Variants in GSDME observed in about 807,000 individuals in gnomAD.
GSDME encodes the protein gasdermin E.
A neutral mutation model predicts 47.5 loss-of-function variants in GSDME; 44 were observed. The ratio of observed to expected loss-of-function variants is 0.93; its 90% CI spans 0.73 to 1.19. The LOEUF is 1.19. Among genes scored for constraint, GSDME ranks in the 50% most tolerant of loss-of-function variants. GSDME has a pLI of 0.00. For synonymous variants in GSDME, 258 were observed against 252.8 expected, an observed-to-expected ratio of 1.02 and a Z score of -0.20; for missense variants, 663 against 604.2, an observed-to-expected ratio of 1.10 and a Z score of -1.02.
intron 5 of GSDME, 158 bp from the exon 6 acceptor site, chr7:24,710,546 A>G: frequency 1.5e-6 from 1 of 678,170 alleles, no homozygotes; most frequent in African/African-American, 1.8e-5. Context: ...ATCCCTACAC[A>G]CATTATGTTG....
In GSDME at chr7:24,744,719, T is replaced by C. The variant is rs777453610; in HGVS notation, c.247A>G (p.Lys83Glu). 6.4e-5 allele frequency: 103 copies of C among 1,614,026 alleles called. No individual in the cohort carries two copies. The highest frequency in any genetic ancestry group is 8.2e-5 in the Non-Finnish European group (97 of 1,180,042). Residue 83 changes from lysine (K) to glutamate (E), a missense_variant, in exon 3 of 10, where the codon AAG (lysine) becomes GAG (glutamate). Transcript: ENST00000645220. The surrounding 1 kb of genome is among the most constrained non-coding windows in gnomAD (Gnocchi z 4.5). ...GTTCCACTCACGTGGTTTGCAAACT[T>C]GCCCTCGTATTTCACAAAGTCCGAC... ...VESDFVKYEG[K>E]FANHVSGTLE...
chr7:24,700,907 T>C (rs1445886207), intron 9 of GSDME, among the ~76,000 whole-genome samples: 1 of 152,188 alleles, frequency 6.6e-6, no homozygotes, highest in East Asian at 1.9e-4. Flanking sequence ...CTTTTCTAAA[T>C]ATCCACCACC....
At position 24,716,170 on chromosome 7, in the gene GSDME, T is replaced by A. The variant is rs1478398697; in HGVS notation, c.697+1084A>T. Among the ~76,000 whole-genome samples, 1 of 152,192 alleles carries A rather than the reference T, an allele frequency of 6.6e-6. No individual in the cohort carries two copies. The highest frequency in any genetic ancestry group is 1.5e-5 in the Non-Finnish European group (1 of 68,036). On this transcript the variant is annotated intron_variant, in intron 5 of 9. Coordinates refer to ENST00000645220, the MANE Select transcript of GSDME (RefSeq NM_001127453.2). This position sits in a 1 kb window ranked among gnomAD's most constrained non-coding sequence, Gnocchi z 4.5. The stretch of plus-strand genomic sequence containing the variant: ...TGTGCGTGGTCTATCACGGCCCTTT[T>A]AAAAACTGCTGTTACAGAAAATGTC...
chr7:24,746,269 T>C lies in GSDME; in HGVS notation c.212-1515A>G, dbSNP rs370627084. ...GTTAATATCTCATGGAAAACAAACA[T>C]TTTGGGCAATGCCTTGGGAAGAAGG... On this transcript the variant is annotated intron_variant, in intron 2 of 9. Transcript: ENST00000645220. 9.2e-5 allele frequency among the ~76,000 whole-genome samples: 14 copies of C among 152,244 alleles called. 1 individual carries two copies. The highest frequency in any genetic ancestry group is 7.2e-4 in the Admixed American group (11 of 15,292).
At chr7:24,787,284 T>C in the GSDME span, among the ~76,000 whole-genome samples, 7 of 152,202 alleles carry the variant, frequency 4.6e-5, no homozygotes, top group African/African-American at 1.7e-4. This position sits in a 1 kb window ranked among gnomAD's most constrained non-coding sequence, Gnocchi z 5.0. Context: ...ACATGGCCCC[T>C]ACTCATTTTC....
At chr7:24,717,689 C>T (rs1789622458) in intron 4 of GSDME, among the ~76,000 whole-genome samples, 1 of 152,186 alleles carries the variant, frequency 6.6e-6, no homozygotes, top group Non-Finnish European at 1.5e-5. Context: ...CAATTCCCTC[C>T]ATCACAGGTT....
the GSDME span, among the ~76,000 whole-genome samples, chr7:24,782,066 T>C: frequency 2.0e-5 from 3 of 152,138 alleles, no homozygotes; most frequent in Admixed American, 2.0e-4. Flanking sequence ...CTTTTAAAAA[T>C]TAATTTATTT....
chr7:24,770,114 C>T, the GSDME span, among the ~76,000 whole-genome samples: 1 of 152,222 alleles, frequency 6.6e-6, no homozygotes, highest in Non-Finnish European at 1.5e-5. This position sits in a 1 kb window ranked among gnomAD's most constrained non-coding sequence, Gnocchi z 4.6. Flanking sequence ...TTCAGCCCTA[C>T]ACCCAAGCCC....
chr7:24,785,019 A>C, the GSDME span, among the ~76,000 whole-genome samples: 1 of 152,252 alleles, frequency 6.6e-6, no homozygotes, highest in Non-Finnish European at 1.5e-5. Flanking sequence ...CATCCAATCA[A>C]GTTAACACTA....
the GSDME span, among the ~76,000 whole-genome samples, chr7:24,782,518 A>G: frequency 6.6e-6 from 1 of 152,194 alleles, no homozygotes; most frequent in Non-Finnish European, 1.5e-5. Context: ...GTAGTGCCAC[A>G]ATAAACATAC....
upstream of GSDME, among the ~76,000 whole-genome samples, chr7:24,762,737 G>A (rs1379080766): frequency 6.6e-6 from 1 of 151,638 alleles, no homozygotes; most frequent in Non-Finnish European, 1.5e-5. Flanking sequence ...TCCTTGTTAG[G>A]GTAAGCTAAC....
chr7:24,793,361 AAT>A, the GSDME span, among the ~76,000 whole-genome samples: 2 of 152,224 alleles, frequency 1.3e-5, no homozygotes, highest in Non-Finnish European at 2.9e-5. Flanking sequence ...AACTTTAGCT[AAT>A]ATGTTTATAC....
chr7:24,785,917 C>A, the GSDME span, among the ~76,000 whole-genome samples: 1 of 152,168 alleles, frequency 6.6e-6, no homozygotes, highest in Non-Finnish European at 1.5e-5. Context: ...TATACATATC[C>A]AATATAATTC....
At chr7:24,784,646 T>G in the GSDME span, among the ~76,000 whole-genome samples, 1 of 149,312 alleles carries the variant, frequency 6.7e-6, no homozygotes, top group Non-Finnish European at 1.5e-5. Context: ...TTTTTTTTTT[T>G]GAGACAGAGT....
rs532785915 is a variant in GSDME at position 24,715,569 on chromosome 7, G to C, written c.697+1685C>G. 1.7e-5 allele frequency: 8 copies of C among 459,844 alleles called. No homozygotes were observed. In the East Asian group the frequency reaches 2.9e-4, roughly 17 times the overall value. 28.5% of individuals were successfully genotyped at this position (459,844 alleles called of 1,614,324 possible). A position where few individuals can be genotyped will look rare whatever the true frequency, so the allele number is the denominator to read the frequency against. On this transcript the variant is annotated intron_variant, in intron 5 of 9. Coordinates refer to ENST00000645220, the MANE Select transcript of GSDME (RefSeq NM_001127453.2). ...GACAGGACCACCAAGGCAGACATAG[G>C]GGGGCTAGAAACCCAAAAGTGCAGA...
At chr7:24,778,037 G>GAA in the GSDME span, among the ~76,000 whole-genome samples, 1 of 144,616 alleles carries the variant, frequency 6.9e-6, no homozygotes, top group African/African-American at 2.5e-5. This position sits in a 1 kb window ranked among gnomAD's most constrained non-coding sequence, Gnocchi z 5.6. Flanking sequence ...GGCCGGGAAT[G>GAA]AAAAAAAAAA....
chr7:24,781,739 C>T, the GSDME span, among the ~76,000 whole-genome samples: 1 of 144,988 alleles, frequency 6.9e-6, no homozygotes, highest in Non-Finnish European at 1.5e-5. Context: ...TTAATGAAAA[C>T]ACTCTTTTGG....
the GSDME span, among the ~76,000 whole-genome samples, chr7:24,789,357 G>A: frequency 6.6e-5 from 10 of 152,000 alleles, no homozygotes; most frequent in African/African-American, 1.2e-4. Flanking sequence ...GGCTTTATTC[G>A]GCTGGGAGCA....
chr7:24,715,648 C>G (rs892758984), intron 5 of GSDME: 2 of 312,814 alleles, frequency 6.4e-6, no homozygotes, highest in African/African-American at 4.6e-5. Flanking sequence ...ACAATTTGAT[C>G]CTCTTCATGA....
Sources: gnomAD v4.1 joint callset for allele counts (sites outside exome capture counted in the v4.1 genomes callset) on GRCh38, gnomAD v4.1.1 for gene constraint, Gnocchi (gnomAD v3.1) non-coding constraint, MANE v1.5 for transcripts, NCBI Gene and HGNC (gene_info 2026-07-23, HGNC 2026-07-21) for gene names.